Variants in TMEM132C observed in about 807,000 individuals in gnomAD.
The protein encoded by TMEM132C is protein phosphatase 1, regulatory subunit 152.
TMEM132C carries 29 observed loss-of-function variants against 61.4 expected under a neutral mutation model. The ratio of observed to expected loss-of-function variants is 0.47; its 90% CI spans 0.35 to 0.64. TMEM132C has a LOEUF of 0.64. Ranked by LOEUF, TMEM132C falls within the 30% of genes least tolerant of loss-of-function variation. The probability of loss-of-function intolerance (pLI) is 0.00; values close to 1 mark genes in which losing one functional copy is unlikely to be tolerated. For missense variants in TMEM132C, 1,408 were observed against 1,476.9 expected (o/e 0.95, Z 0.76); for synonymous variants, 656 against 633.1 (o/e 1.04, Z -0.54).
chr12:128,560,244 C>T (rs1874465768), intron 3 of TMEM132C, among the ~76,000 whole-genome samples: 1 of 152,208 alleles, frequency 6.6e-6, no homozygotes, highest in South Asian at 2.1e-4. Context: ...GAGATTCTGT[C>T]TCAGTCAGAT....
chr12:128,486,520 T>G (rs1353694943), intron 2 of TMEM132C, among the ~76,000 whole-genome samples: 1 of 152,198 alleles, frequency 6.6e-6, no homozygotes, highest in Non-Finnish European at 1.5e-5. Flanking sequence ...CAGGGACTTT[T>G]TCAAAGCCCT....
intron 3 of TMEM132C, among the ~76,000 whole-genome samples, chr12:128,612,593 G>A (rs978155590): frequency 6.6e-6 from 1 of 152,162 alleles, no homozygotes; most frequent in African/African-American, 2.4e-5. Context: ...TGACACTGGT[G>A]CAAAATGAGA....
chr12:128,584,390 G>C (rs546943135), intron 3 of TMEM132C, among the ~76,000 whole-genome samples: 1 of 152,104 alleles, frequency 6.6e-6, no homozygotes, highest in African/African-American at 2.4e-5. Context: ...AAAGTTAGTC[G>C]TTCTCATCCT....
chr12:128,463,663 C>T (rs1870618816), intron 2 of TMEM132C, among the ~76,000 whole-genome samples: 1 of 151,926 alleles, frequency 6.6e-6, no homozygotes. Context: ...GAAGGGCCTG[C>T]CTGGCTAGAG....
intron 1 of TMEM132C, among the ~76,000 whole-genome samples, chr12:128,301,109 A>C (rs1011928863): frequency 6.6e-6 from 1 of 152,190 alleles, no homozygotes; most frequent in African/African-American, 2.4e-5. Context: ...ATGCACACTG[A>C]TGAGAAACAA....
chr12:128,270,131 G>A (rs1262615173), intron 1 of TMEM132C, among the ~76,000 whole-genome samples: 1 of 152,178 alleles, frequency 6.6e-6, no homozygotes, highest in African/African-American at 2.4e-5. Flanking sequence ...GTGGAAGGGC[G>A]GTGCCAGGCT....
chr12:128,364,871 C>T (rs1008420434), intron 1 of TMEM132C, among the ~76,000 whole-genome samples: 1 of 152,210 alleles, frequency 6.6e-6, no homozygotes, highest in Non-Finnish European at 1.5e-5. Flanking sequence ...AGAAAGGGGG[C>T]TGGGAGGGAC....
intron 2 of TMEM132C, among the ~76,000 whole-genome samples, chr12:128,468,410 C>T (rs1347245761): frequency 1.1e-4 from 17 of 152,028 alleles, no homozygotes; most frequent in South Asian, 2.1e-4. Flanking sequence ...CTCTGCCTTC[C>T]GGGTTCAAGC....
At chr12:128,593,997 C>A (rs1221054872) in intron 3 of TMEM132C, among the ~76,000 whole-genome samples, 1 of 151,994 alleles carries the variant, frequency 6.6e-6, no homozygotes, top group African/African-American at 2.4e-5. Flanking sequence ...CTTCTGTACC[C>A]CAACATAAGA....
chr12:128,470,106 G>C (rs2136079497), intron 2 of TMEM132C, among the ~76,000 whole-genome samples: 1 of 152,278 alleles, frequency 6.6e-6, no homozygotes, highest in East Asian at 1.9e-4. Context: ...CTGATTTGAA[G>C]TTTCCTGTTC....
intron 1 of TMEM132C, among the ~76,000 whole-genome samples, chr12:128,357,478 C>A (rs1419670249): frequency 6.6e-6 from 1 of 152,106 alleles, no homozygotes; most frequent in East Asian, 1.9e-4. Context: ...AGGTGGATCA[C>A]AAGGTCAGGA....
At chr12:128,703,562 T>C (rs761239426) in intron 8 of TMEM132C, among the ~76,000 whole-genome samples, 2 of 151,874 alleles carry the variant, frequency 1.3e-5, no homozygotes, top group Non-Finnish European at 2.9e-5. Flanking sequence ...GTCTGGAGAG[T>C]TTTTCCTAGA....
In TMEM132C at chr12:128,560,979, A is replaced by G. The variant is rs1177304410; in HGVS notation, c.1121+16876A>G. ...GGCTCAGACAGTCTCTATGTGCTGA[A>G]AGAAGGGCGCCCTAGGAGTCAATGA... On this transcript the variant is annotated intron_variant, in intron 3 of 8. Transcript: ENST00000435159. Among the ~76,000 whole-genome samples, 4 of 152,192 alleles carry G rather than the reference A, an allele frequency of 2.6e-5. No homozygotes were observed. The East Asian group carries it at 5.8e-4, about 22-fold the overall frequency.
chr12:128,610,769 G>C (rs1340439903), intron 3 of TMEM132C, among the ~76,000 whole-genome samples: 1 of 152,126 alleles, frequency 6.6e-6, no homozygotes, highest in African/African-American at 2.4e-5. Context: ...TATTTTTTTA[G>C]TCTCTATCTG....
chr12:128,706,190 C>A lies in TMEM132C; in HGVS notation c.3222C>A (p.Ile1074=), dbSNP rs1012778988. 1 of 1,551,802 alleles carries A rather than the reference C, an allele frequency of 6.4e-7. No homozygotes were observed. Residue 1074 remains isoleucine, a synonymous_variant, in exon 9 of 9, where the codon ATC becomes ATA. Transcript: ENST00000435159. Reference sequence around the variant, plus strand: ...ACAGCTGCCCCACGGTGAACTCCATCGTCAGCAGCAATGATGAGGACATCA... The same window carrying A: ...ACAGCTGCCCCACGGTGAACTCCATAGTCAGCAGCAATGATGAGGACATCA... ...PDDSCPTVNS[I]VSSNDEDIKW...
chr12:128,568,642 G>A (rs1343337224), intron 3 of TMEM132C, among the ~76,000 whole-genome samples: 5 of 152,180 alleles, frequency 3.3e-5, no homozygotes, highest in African/African-American at 1.2e-4. Flanking sequence ...AAGTGGCAGA[G>A]TGGGGATTTC....
intron 2 of TMEM132C, among the ~76,000 whole-genome samples, chr12:128,516,875 C>G (rs780965723): frequency 2.0e-5 from 3 of 151,906 alleles, no homozygotes; most frequent in Non-Finnish European, 2.9e-5. Context: ...GATCATGCCA[C>G]TGTATTCCAC....
At chr12:128,474,642 G>A (rs893267757) in intron 2 of TMEM132C, among the ~76,000 whole-genome samples, 2 of 152,278 alleles carry the variant, frequency 1.3e-5, no homozygotes, top group East Asian at 1.9e-4. Context: ...CGATGAGAAC[G>A]TTCATTGAAG....
intron 3 of TMEM132C, among the ~76,000 whole-genome samples, chr12:128,607,548 G>T (rs1336122866): frequency 6.6e-6 from 1 of 152,194 alleles, no homozygotes; most frequent in Non-Finnish European, 1.5e-5. Context: ...GGTTGCTTGG[G>T]CTGGAGCAGT....
Sources: gnomAD v4.1 joint callset for allele counts (sites outside exome capture counted in the v4.1 genomes callset) on GRCh38, gnomAD v4.1.1 for gene constraint, MANE v1.5 for transcripts, NCBI Gene and HGNC (gene_info 2026-07-23, HGNC 2026-07-21) for gene names.